JADE2: variants seen among roughly 807,000 people sequenced by gnomAD.
JADE2 encodes the protein jade family PHD finger 2, also known as E3 ubiquitin-protein ligase Jade-2.
A neutral mutation model predicts 85.7 loss-of-function variants in JADE2; 13 were observed. That is an observed-to-expected ratio of 0.15 (90% CI 0.10 to 0.24). The LOEUF (loss-of-function observed/expected upper bound fraction) is 0.24, where lower values mean the gene tolerates loss of function less well. Among genes scored for constraint, JADE2 ranks in the 10% least tolerant of loss-of-function variants. JADE2 has a pLI of 1.00. For synonymous variants in JADE2, 440 were observed against 456.1 expected (o/e 0.96, Z 0.45); for missense variants, 846 against 1,115.9 (o/e 0.76, Z 3.45).
Position 134,560,883 on chromosome 5 carries a change from G to A in JADE2, c.610G>A (p.Val204Met). The change falls in exon 6 of 12, where the codon GTG (valine) becomes ATG (methionine). Residue 204 changes from valine to methionine, a missense_variant. Val to Met is a conservative substitution (Grantham distance 21). Coordinates refer to ENST00000681547, the MANE Select transcript of JADE2 (RefSeq NM_001388185.1). ...GTACGACGAGGATGTTGTCTGCGAC[G>A]TGTGTCGCTCTCCTGAGGGCGAGGA... ...IEYDEDVVCD[V>M]CRSPEGEDGN... is the part of the protein sequence containing the mutation. 6.2e-7 allele frequency: 1 copy of A among 1,614,232 alleles called. No individual in the cohort carries two copies. The highest frequency in any genetic ancestry group is 8.5e-7 in the Non-Finnish European group (1 of 1,180,034).
intron 9 of JADE2, among the ~76,000 whole-genome samples, chr5:134,568,299 G>T (rs1054140105): frequency 6.6e-6 from 1 of 152,198 alleles, no homozygotes; most frequent in East Asian, 1.9e-4. Context: ...CATTCCAAGG[G>T]TTTTGAGCTT....
At chr5:134,525,593 G>A (rs1392572623), upstream of JADE2, 1 of 62,756 alleles carries the variant, frequency 1.6e-5, no homozygotes, top group Non-Finnish European at 3.1e-5. Context: ...CCTCCTGCCC[G>A]CCCCCACCCC....
At chr5:134,524,905 C>T (rs1760710700), upstream of JADE2, among the ~76,000 whole-genome samples, 1 of 152,240 alleles carries the variant, frequency 6.6e-6, no homozygotes, top group Non-Finnish European at 1.5e-5. Flanking sequence ...TTTCTGCTCA[C>T]TTCTGGTGCT....
intron 1 of JADE2, among the ~76,000 whole-genome samples, chr5:134,527,703 C>A (rs766235109): frequency 1.3e-5 from 2 of 151,394 alleles, no homozygotes; most frequent in Non-Finnish European, 2.9e-5. Context: ...CCTGCGGTCC[C>A]GCGGACTGCC....
chr5:134,532,790 G>A (rs914669059), intron 1 of JADE2, among the ~76,000 whole-genome samples: 1 of 152,168 alleles, frequency 6.6e-6, no homozygotes, highest in Non-Finnish European at 1.5e-5. Flanking sequence ...GATCCATGGG[G>A]CAAAAAGCTG....
rs778443943 is a variant in JADE2 at position 134,564,481 on chromosome 5, G to A, written c.853-13G>A. 1.3e-6 allele frequency: 2 copies of A among 1,562,836 alleles called. No individual in the cohort carries two copies. The highest frequency in any genetic ancestry group is 1.7e-6 in the Non-Finnish European group (2 of 1,150,412). The stretch of plus-strand genomic sequence containing the variant: ...GATGAGAGGAATGATGCAGCCCCCT[G>A]TGTCCTGCCCAGGTCAGCATCGGCT... On this transcript the variant is annotated splice_polypyrimidine_tract_variant and intron_variant, in intron 7 of 11. Transcript: ENST00000681547.
rs1764735101 is a variant in JADE2 at position 134,581,989 on chromosome 5, CTGAGG to C, written c.*2673_*2677del. Reference sequence around the variant, plus strand: ...GTAGAGGGCTTTGCTGTCCCTGAGACTGAGGCAGGTTCCTTTTCCAGGTCAGAGGT... The same window carrying C: ...GTAGAGGGCTTTGCTGTCCCTGAGACCAGGTTCCTTTTCCAGGTCAGAGGT... On this transcript the variant is annotated 3_prime_UTR_variant, in exon 12 of 12. Coordinates refer to ENST00000681547, the MANE Select transcript of JADE2 (RefSeq NM_001388185.1). 6.6e-6 allele frequency: 1 copy of C among 152,150 alleles called. No homozygotes were observed. Among genetic ancestry groups the C allele is most frequent in the Non-Finnish European group, 1.5e-5 (1 of 68,044 alleles). The allele number at this position is 152,150 out of a possible 1,614,324, so 9.4% of individuals were successfully genotyped here. A position where few individuals can be genotyped will look rare whatever the true frequency, so the allele number is the denominator to read the frequency against.
At chr5:134,533,620 C>T in intron 1 of JADE2, 1 of 976,048 alleles carries the variant, frequency 1.0e-6, no homozygotes, top group Non-Finnish European at 1.2e-6. Context: ...CTCCCCCCCA[C>T]TCCACCCACC....
chr5:134,527,075 C>A (rs968666513), intron 1 of JADE2, among the ~76,000 whole-genome samples: 1 of 152,166 alleles, frequency 6.6e-6, no homozygotes, highest in African/African-American at 2.4e-5. Context: ...CCGTTTGGGA[C>A]GCACACACCT....
At chr5:134,527,976 C>T (rs1022509517) in intron 1 of JADE2, among the ~76,000 whole-genome samples, 4 of 152,130 alleles carry the variant, frequency 2.6e-5, no homozygotes, top group African/African-American at 9.7e-5. Flanking sequence ...AGTTGTATCC[C>T]GGGTCAGAGT....
At chr5:134,539,186 C>T (rs56832614) in intron 3 of JADE2, among the ~76,000 whole-genome samples, 1 of 151,906 alleles carries the variant, frequency 6.6e-6, no homozygotes, top group Non-Finnish European at 1.5e-5. Flanking sequence ...CTCAGCCTCC[C>T]GAGTGGCTGG....
chr5:134,573,901 T>C (rs1312299932), intron 10 of JADE2, 139 bp downstream of exon 10: 1 of 746,256 alleles, frequency 1.3e-6, no homozygotes, highest in South Asian at 1.4e-5. Flanking sequence ...CTCCTACCCT[T>C]CACCATCCAA....
intron 3 of JADE2, among the ~76,000 whole-genome samples, chr5:134,550,470 C>T (rs985569705): frequency 1.3e-5 from 2 of 152,222 alleles, no homozygotes; most frequent in Non-Finnish European, 2.9e-5. Context: ...TAGCACCGGG[C>T]ACAGCGGTGG....
intron 9 of JADE2, among the ~76,000 whole-genome samples, 163 bp from the exon 10 acceptor site, chr5:134,573,482 C>T (rs1348776820): frequency 1.3e-5 from 2 of 152,150 alleles, no homozygotes; most frequent in Admixed American, 6.5e-5. Flanking sequence ...GCTGAGGATG[C>T]GCTCAGGGTC....
rs544036461 is a variant in JADE2 at position 134,578,858 on chromosome 5, G to A, written c.2046G>A (p.Gly682=). ...TWGQDAGSGK[G]GQGPPTRKPP... ...GCCAGGATGCAGGCAGTGGCAAGGG[G>A]GGTCAAGGGCCACCTACCAGGAAGC... The change falls in exon 12 of 12, where the codon GGG becomes GGA. Residue 682 remains glycine (G), a synonymous_variant. Transcript: ENST00000681547. The surrounding 1 kb of genome is among the most constrained non-coding windows in gnomAD (Gnocchi z 4.4). 6 of 1,613,818 alleles carry A rather than the reference G, an allele frequency of 3.7e-6. No individual in the cohort carries two copies. In the Admixed American group the frequency reaches 5.0e-5, roughly 13 times the overall value.
chr5:134,576,025 A>G (rs1764345070), intron 10 of JADE2, among the ~76,000 whole-genome samples: 1 of 152,084 alleles, frequency 6.6e-6, no homozygotes, highest in Non-Finnish European at 1.5e-5. Flanking sequence ...AAATAGCAAG[A>G]CCCTGTCTCT....
intron 3 of JADE2, among the ~76,000 whole-genome samples, chr5:134,547,440 A>G (rs1762358089): frequency 6.6e-6 from 1 of 152,274 alleles, no homozygotes; most frequent in Non-Finnish European, 1.5e-5. Flanking sequence ...GAAAAATAGT[A>G]AACATTCACA....
At chr5:134,546,143 GTT>G in intron 3 of JADE2, among the ~76,000 whole-genome samples, 1 of 151,248 alleles carries the variant, frequency 6.6e-6, no homozygotes, top group Non-Finnish European at 1.5e-5. Flanking sequence ...CAAGCATTTC[GTT>G]TTTTGTTTTT....
chr5:134,566,412 A>G lies in JADE2; in HGVS notation c.1266A>G (p.Ala422=), dbSNP rs2149992935. 6.2e-7 allele frequency: 1 copy of G among 1,613,872 alleles called. No homozygotes were observed. The highest frequency in any genetic ancestry group is 8.5e-7 in the Non-Finnish European group (1 of 1,179,974). The change falls in exon 9 of 12, where the codon GCA becomes GCG. Residue 422 remains alanine, a synonymous_variant. Coordinates refer to ENST00000681547, the MANE Select transcript of JADE2 (RefSeq NM_001388185.1). This position sits in a 1 kb window ranked among gnomAD's most constrained non-coding sequence, Gnocchi z 6.7. ...EVAERLDLAE[A]LVDFIYQYWK... ...CTGAGCGGCTGGACCTGGCTGAGGC[A>G]CTGGTCGACTTCATCTACCAGTACT... is the stretch of plus-strand genomic sequence containing the variant.
Sources: gnomAD v4.1 joint callset for allele counts (sites outside exome capture counted in the v4.1 genomes callset) on GRCh38, gnomAD v4.1.1 for gene constraint, Gnocchi (gnomAD v3.1) non-coding constraint, MANE v1.5 for transcripts, NCBI Gene and HGNC (gene_info 2026-07-23, HGNC 2026-07-21) for gene names.